Variants in KCTD16 observed in about 807,000 individuals in gnomAD.
KCTD16 encodes potassium channel tetramerization domain containing 16, also known as BTB/POZ domain-containing protein KCTD16.
KCTD16 carries 13 observed loss-of-function variants against 33.2 expected under a neutral mutation model. The observed-to-expected ratio is 0.39, with a 90% confidence interval of 0.25 to 0.62. The LOEUF is 0.62. KCTD16 is among the 20% of genes least tolerant of loss of function. The pLI, the probability that KCTD16 is intolerant of heterozygous loss-of-function variation, is 0.50. For synonymous variants in KCTD16, 197 were observed against 195.3 expected (o/e 1.01, Z -0.07); for missense variants, 441 against 525.1 (o/e 0.84, Z 1.57).
intron 3 of KCTD16, among the ~76,000 whole-genome samples, chr5:144,330,411 C>CAAAAAAAAAAA (rs10577099): frequency 1.1e-5 from 1 of 87,412 alleles, no homozygotes; most frequent in African/African-American, 4.7e-5. Context: ...GAAACTCCAT[C>CAAAAAAAAAAA]AAAAAAAAAA....
At chr5:144,215,856 G>A (rs1055010430) in intron 3 of KCTD16, among the ~76,000 whole-genome samples, 10 of 152,164 alleles carry the variant, frequency 6.6e-5, no homozygotes, top group Non-Finnish European at 1.2e-4. Context: ...GTTAAAACAG[G>A]TTAAAACAAA....
At chr5:144,302,643 C>T (rs115447709) in intron 3 of KCTD16, among the ~76,000 whole-genome samples, 1,940 of 152,262 alleles carry the variant, frequency 0.013, 39 homozygotes, top group African/African-American at 0.039. Flanking sequence ...TACTTATTAT[C>T]GTACGTCAAA....
At chr5:144,214,511 C>G (rs1043364189) in intron 3 of KCTD16, among the ~76,000 whole-genome samples, 1 of 152,142 alleles carries the variant, frequency 6.6e-6, no homozygotes, top group Non-Finnish European at 1.5e-5. Flanking sequence ...TTCTGCTTCC[C>G]TCCTCAGCCT....
At chr5:144,311,171 C>G (rs932032560) in intron 3 of KCTD16, among the ~76,000 whole-genome samples, 8 of 152,166 alleles carry the variant, frequency 5.3e-5, no homozygotes, top group Admixed American at 3.9e-4. Flanking sequence ...CTCAATTGTC[C>G]CACTTATAAA....
rs986211537 is a variant in KCTD16 at position 144,481,729 on chromosome 5, G to T, written c.*7615G>T. ...TACATACTATATATAGGTCACTGTC[G>T]TGAGCATTATAATGTCTAAGCAATC... On this transcript the variant is annotated 3_prime_UTR_variant, in exon 4 of 4. Coordinates refer to ENST00000512467, the MANE Select transcript of KCTD16 (RefSeq NM_020768.4). The T allele has an allele frequency of 2.0e-5, 3 of 151,838 alleles. No individual in the cohort carries two copies. Among genetic ancestry groups the T allele is most frequent in the African/African-American group, 7.3e-5 (3 of 41,358 alleles). The allele number at this position is 151,838 out of a possible 1,614,324, so 9.4% of individuals were successfully genotyped here. A position where few individuals can be genotyped will look rare whatever the true frequency, so the allele number is the denominator to read the frequency against.
rs181408845 is a variant in KCTD16 at position 144,190,005 on chromosome 5, G to C, written c.-327+15533G>C. ...AGGTTTTGGAGGGAACTGCAGATTC[G>C]TTGTGAGTAACCAGACCCAGCGAGA... is the stretch of plus-strand genomic sequence containing the variant. On this transcript the variant is annotated intron_variant, in intron 2 of 3. Transcript: ENST00000512467. Among the ~76,000 whole-genome samples the C allele has an allele frequency of 3.3e-3, 506 of 152,232 alleles. 4 individuals are homozygous for C. The highest frequency in any genetic ancestry group is 0.012 in the African/African-American group (490 of 41,528).
intron 3 of KCTD16, among the ~76,000 whole-genome samples, chr5:144,322,322 A>G (rs193019900): frequency 2.4e-4 from 36 of 152,270 alleles, no homozygotes; most frequent in African/African-American, 8.4e-4. Flanking sequence ...GGATTGATCA[A>G]TCAGCATCTT....
chr5:144,210,256 G>A lies in KCTD16; in HGVS notation c.832+2710G>A, dbSNP rs575538622. Reference sequence around the variant, plus strand: ...GTGGTTTTCAGTGTGTGTTTTGTTAGTGTAGAACTATGAACAATGAAAAAG... The same window carrying A: ...GTGGTTTTCAGTGTGTGTTTTGTTAATGTAGAACTATGAACAATGAAAAAG... On this transcript the variant is annotated intron_variant, in intron 3 of 3. Coordinates refer to ENST00000512467, the MANE Select transcript of KCTD16 (RefSeq NM_020768.4). Among the ~76,000 whole-genome samples the A allele has an allele frequency of 1.7e-4, 26 of 152,154 alleles. No homozygotes were observed. In the South Asian group the frequency reaches 1.9e-3, roughly 11 times the overall value.
chr5:144,220,678 AC>A (rs1318711413), intron 3 of KCTD16, among the ~76,000 whole-genome samples: 1 of 152,212 alleles, frequency 6.6e-6, no homozygotes, highest in Non-Finnish European at 1.5e-5. Flanking sequence ...GCAGTGGCTC[AC>A]GCCTGTAATC....
intron 3 of KCTD16, among the ~76,000 whole-genome samples, chr5:144,235,930 G>C (rs1307564462): frequency 6.6e-6 from 1 of 151,964 alleles, no homozygotes; most frequent in Non-Finnish European, 1.5e-5. Flanking sequence ...GCATGCTTTA[G>C]GGGTATTGGT....
intron 3 of KCTD16, among the ~76,000 whole-genome samples, chr5:144,445,553 A>C (rs1753801307): frequency 6.6e-6 from 1 of 152,038 alleles, no homozygotes; most frequent in Non-Finnish European, 1.5e-5. Flanking sequence ...TGAACTTAAC[A>C]GTTTATGTTG....
intron 3 of KCTD16, among the ~76,000 whole-genome samples, chr5:144,377,511 T>A (rs185754583): frequency 6.4e-4 from 98 of 152,334 alleles, no homozygotes; most frequent in African/African-American, 2.3e-3. Flanking sequence ...AATGCCTCTC[T>A]GGGGCCAGAG....
rs574278363 is a variant in KCTD16, at chr5:144,187,755, G to T, written c.-327+13283G>T. 1.2e-4 allele frequency among the ~76,000 whole-genome samples: 19 copies of T among 152,114 alleles called. 1 individual carries two copies. Among genetic ancestry groups the T allele is most frequent in the Admixed American group, 9.8e-4 (15 of 15,278 alleles). ...AATATTCTGTAAAATTTTTGCTTTT[G>T]CCTGGAAAAATGATTCTACAAGTTC... On this transcript the variant is annotated intron_variant, in intron 2 of 3. Transcript: ENST00000512467.
chr5:144,172,921 G>T (rs141540798), intron 1 of KCTD16, among the ~76,000 whole-genome samples: 118 of 152,156 alleles, frequency 7.8e-4, no homozygotes, highest in African/African-American at 2.7e-3. Context: ...GAATCAAAAA[G>T]GATATCCCTT....
intron 3 of KCTD16, among the ~76,000 whole-genome samples, chr5:144,342,471 T>A (rs976042391): frequency 6.6e-6 from 1 of 152,186 alleles, no homozygotes; most frequent in African/African-American, 2.4e-5. Flanking sequence ...TAAGGAGATT[T>A]TGGGCTGAGA....
intron 3 of KCTD16, among the ~76,000 whole-genome samples, chr5:144,435,240 C>G (rs565355655): frequency 2.0e-5 from 3 of 152,272 alleles, no homozygotes; most frequent in Admixed American, 6.5e-5. Context: ...TTTTACCTGT[C>G]TGTAAATTGC....
chr5:144,308,435 G>A (rs561754890), intron 3 of KCTD16, among the ~76,000 whole-genome samples: 4 of 152,144 alleles, frequency 2.6e-5, no homozygotes, highest in South Asian at 4.1e-4. Context: ...AATTTAGCCC[G>A]CCTGAGGCGG....
intron 3 of KCTD16, chr5:144,369,548 A>T (rs1751919412): frequency 6.6e-6 from 1 of 152,180 alleles, no homozygotes. Context: ...CTGACTCCAG[A>T]ATGGATTGAG....
intron 3 of KCTD16, among the ~76,000 whole-genome samples, chr5:144,265,732 G>A (rs951516878): frequency 6.6e-6 from 1 of 152,176 alleles, no homozygotes; most frequent in African/African-American, 2.4e-5. Context: ...TGATAATCAA[G>A]ATGTATTTGA....
Sources: allele counts gnomAD v4.1 joint callset (sites outside exome capture counted in the v4.1 genomes callset), GRCh38; gene constraint gnomAD v4.1.1; transcripts MANE v1.5; gene names NCBI Gene and HGNC (gene_info 2026-07-23, HGNC 2026-07-21).